Variants in PKP2 observed in about 807,000 individuals in gnomAD.
The protein encoded by PKP2 is plakophilin 2.
In PKP2, 73 loss-of-function variants were observed where a neutral mutation model predicts 83.4. That is an observed-to-expected ratio of 0.88 (90% CI 0.72 to 1.06). The LOEUF (loss-of-function observed/expected upper bound fraction) is 1.06. Ranked by LOEUF, PKP2 falls within the 50% of genes least tolerant of loss-of-function variation. The pLI is 0.00. For synonymous variants in PKP2, 409 were observed against 430.4 expected (o/e 0.95, Z 0.62); for missense variants, 966 against 1,065.4 (o/e 0.91, Z 1.30).
chr12:32,798,084 G>GCTT (rs1956145307), intron 10 of PKP2, among the ~76,000 whole-genome samples: 1 of 124,152 alleles, frequency 8.1e-6, no homozygotes, highest in Admixed American at 9.3e-5. Flanking sequence ...TACTACTCTT[G>GCTT]TTTTTTTTTT....
intron 1 of PKP2, among the ~76,000 whole-genome samples, chr12:32,879,688 T>C (rs1366674465): frequency 6.6e-6 from 1 of 150,970 alleles, no homozygotes; most frequent in Non-Finnish European, 1.5e-5. Context: ...AAATTAGCTG[T>C]GCGTGGTGGC....
chr12:32,809,440 A>G (rs1400968108), intron 9 of PKP2, among the ~76,000 whole-genome samples: 1 of 152,170 alleles, frequency 6.6e-6, no homozygotes, highest in East Asian at 1.9e-4. Flanking sequence ...AGGGAACTCC[A>G]TCCTGTTTCA....
In PKP2 at chr12:32,882,612, A is replaced by G. The variant is rs573260824; in HGVS notation, c.224-3580T>C. Among the ~76,000 whole-genome samples the G allele has an allele frequency of 8.5e-5, 13 of 152,350 alleles. No homozygotes were observed. The East Asian group carries it at 1.4e-3, about 16-fold the overall frequency. On this transcript the variant is annotated intron_variant, in intron 1 of 12. Coordinates refer to ENST00000340811, the MANE Select transcript of PKP2 (RefSeq NM_001005242.3). ...TTTATTGAACTAAAATGTTTAACTG[A>G]CATTAAACATTCAAGTTGTTGCTGT... is the stretch of plus-strand genomic sequence containing the variant.
intron 5 of PKP2, among the ~76,000 whole-genome samples, chr12:32,847,928 C>G (rs1401690128): frequency 6.6e-6 from 1 of 152,026 alleles, no homozygotes; most frequent in Non-Finnish European, 1.5e-5. Flanking sequence ...GATCCCCATC[C>G]TTTAAAAAAA....
intron 4 of PKP2, among the ~76,000 whole-genome samples, chr12:32,864,260 C>T (rs1486875798): frequency 2.0e-5 from 3 of 151,250 alleles, no homozygotes; most frequent in Non-Finnish European, 4.4e-5. Flanking sequence ...CCCACGCTCA[C>T]CACTTCTTTT....
At chr12:32,796,985 TA>T (rs1005704884) in intron 10 of PKP2, among the ~76,000 whole-genome samples, 1 of 152,058 alleles carries the variant, frequency 6.6e-6, no homozygotes. Flanking sequence ...ACTGAAAAAC[TA>T]AAAAGCCTGA....
At chr12:32,814,223 T>C (rs1353039287) in intron 9 of PKP2, among the ~76,000 whole-genome samples, 1 of 152,210 alleles carries the variant, frequency 6.6e-6, no homozygotes, top group Non-Finnish European at 1.5e-5. Flanking sequence ...AGGCCTATTA[T>C]TCTTTCCTCA....
intron 1 of PKP2, among the ~76,000 whole-genome samples, chr12:32,895,784 A>AT (rs1957117238): frequency 6.6e-6 from 1 of 152,118 alleles, no homozygotes; most frequent in Admixed American, 6.6e-5. Flanking sequence ...TTCGGGTTTA[A>AT]TTTTTTGGAG....
intron 6 of PKP2, among the ~76,000 whole-genome samples, chr12:32,827,448 A>C (rs2389109): frequency 0.057 from 8,709 of 152,298 alleles, 1,033 homozygotes; most frequent in East Asian, 0.54. Flanking sequence ...ATTAGACAGA[A>C]AGTAATTTGT....
Position 32,869,017 on chromosome 12 carries a change from G to C in PKP2, c.1080C>G (p.Leu360=), listed in dbSNP as rs397516984. 7 of 1,613,666 alleles carry C rather than the reference G, an allele frequency of 4.3e-6. No individual in the cohort carries two copies. The Admixed American group carries it at 1.2e-4, about 27-fold the overall frequency. ...EMTLERAVSM[L]EADHMLPSRI... ...TGGATGGCAGCATGTGGTCTGCCTC[G>C]AGCATACTCACTGCTCGCTCCAGAG... Residue 360 remains leucine, a synonymous_variant, in exon 4 of 13, where the codon CTC becomes CTG. Transcript: ENST00000340811.
At chr12:32,809,701 C>A (rs2137743678) in intron 9 of PKP2, among the ~76,000 whole-genome samples, 1 of 152,250 alleles carries the variant, frequency 6.6e-6, no homozygotes, top group African/African-American at 2.4e-5. Context: ...GACCCAAGGC[C>A]CTGGTAGCGT....
intron 9 of PKP2, among the ~76,000 whole-genome samples, chr12:32,817,607 T>G (rs1402093423): frequency 6.6e-6 from 1 of 152,256 alleles, no homozygotes; most frequent in Non-Finnish European, 1.5e-5. Flanking sequence ...GTTATTAATT[T>G]AGTCAATTTA....
intron 10 of PKP2, among the ~76,000 whole-genome samples, chr12:32,802,186 T>TG (rs897504508): frequency 1.6e-3 from 243 of 151,840 alleles, no homozygotes; most frequent in Non-Finnish European, 2.7e-3. Context: ...AGTAATTTTT[T>TG]TTTTAAATGT....
intron 5 of PKP2, among the ~76,000 whole-genome samples, chr12:32,848,660 G>A (rs760589379): frequency 5.3e-5 from 8 of 151,990 alleles, no homozygotes; most frequent in Non-Finnish European, 1.2e-4. Flanking sequence ...AGGAAAGGAC[G>A]GGGGCAAGGG....
chr12:32,848,810 T>G (rs1478673160), intron 5 of PKP2, among the ~76,000 whole-genome samples: 5 of 152,136 alleles, frequency 3.3e-5, no homozygotes, highest in Non-Finnish European at 7.4e-5. Context: ...GTTGAATTTT[T>G]TAAAATGTGA....
chr12:32,877,895 T>G lies in PKP2; in HGVS notation c.985A>C (p.Ser329Arg), dbSNP rs779173447. 17 of 1,614,152 alleles carry G rather than the reference T, an allele frequency of 1.1e-5. No individual in the cohort carries two copies. In the East Asian group the frequency reaches 1.6e-4, roughly 15 times the overall value. Reference protein sequence around the residue: ...LTVGQAAAGGSGNLLTERSTF... With the variant: ...LTVGQAAAGGRGNLLTERSTF... ...CTTCTCTCAGTGAGCAGATTCCCAC[T>G]TCCCCCTGCGGCCGCCTGGCCGACA... Residue 329 changes from serine to arginine, a missense_variant, in exon 3 of 13, where the codon AGT becomes CGT. Transcript: ENST00000340811.
chr12:32,895,959 G>A (rs1565604977), intron 1 of PKP2, among the ~76,000 whole-genome samples: 2 of 152,132 alleles, frequency 1.3e-5, no homozygotes, highest in Non-Finnish European at 2.9e-5. Context: ...TCCACCACTC[G>A]CCTCCCACAC....
Position 32,838,261 on chromosome 12 carries a change from T to C in PKP2, c.1556+2767A>G, listed in dbSNP as rs1757567518. ...AATATCACATGTTCTCACTTAAAAA[T>C]GGGAGCTAAACACTGGGTACAAATA... On this transcript the variant is annotated intron_variant, in intron 6 of 12. Coordinates refer to ENST00000340811, the MANE Select transcript of PKP2 (RefSeq NM_001005242.3). Among the ~76,000 whole-genome samples the C allele has an allele frequency of 3.3e-5, 5 of 152,064 alleles. No homozygotes were observed. In the South Asian group the frequency reaches 1.0e-3, roughly 32 times the overall value.
chr12:32,849,627 A>G (rs2137858324), intron 5 of PKP2, among the ~76,000 whole-genome samples: 1 of 152,308 alleles, frequency 6.6e-6, no homozygotes, highest in South Asian at 2.1e-4. Flanking sequence ...CTCTTTTATC[A>G]TACGACTGTT....
Sources: gnomAD v4.1 joint callset for allele counts (sites outside exome capture counted in the v4.1 genomes callset) on GRCh38, gnomAD v4.1.1 for gene constraint, MANE v1.5 for transcripts, NCBI Gene and HGNC (gene_info 2026-07-23, HGNC 2026-07-21) for gene names.